PRKN: variants seen among roughly 807,000 people sequenced by gnomAD.
PRKN encodes E3 ubiquitin-protein ligase parkin.
Under a neutral mutation model 59.5 loss-of-function variants are expected in PRKN, and 56 were observed. The ratio of observed to expected loss-of-function variants is 0.94; its 90% CI spans 0.76 to 1.18. PRKN has a LOEUF of 1.18. PRKN is among the 50% of genes most tolerant of loss of function. The probability of loss-of-function intolerance (pLI) is 0.00; values close to 1 mark genes in which losing one functional copy is unlikely to be tolerated. For synonymous variants in PRKN, 250 were observed against 222.1 expected (o/e 1.13, Z -1.12); for missense variants, 657 against 596.4 (o/e 1.10, Z -1.06).
At chr6:161,885,525 C>T (rs1490464562) in intron 6 of PRKN, among the ~76,000 whole-genome samples, 5 of 152,010 alleles carry the variant, frequency 3.3e-5, no homozygotes, top group Admixed American at 6.5e-5. Flanking sequence ...ATTAGCCAGG[C>T]GTGGTGGCGG....
chr6:162,651,200 C>T (rs1254180246), intron 1 of PRKN, among the ~76,000 whole-genome samples: 1 of 152,126 alleles, frequency 6.6e-6, no homozygotes, highest in African/African-American at 2.4e-5. Context: ...AGGCTCATTA[C>T]AAACCTCCAT....
intron 7 of PRKN, among the ~76,000 whole-genome samples, chr6:161,619,297 A>C (rs1582899515): frequency 7.0e-6 from 1 of 143,118 alleles, no homozygotes; most frequent in Non-Finnish European, 1.5e-5. Flanking sequence ...AGCTAAGGCC[A>C]CCATAGGGAA....
chr6:162,037,544 C>CTTT (rs543590715), intron 5 of PRKN, among the ~76,000 whole-genome samples: 1 of 137,430 alleles, frequency 7.3e-6, no homozygotes, highest in African/African-American at 2.7e-5. Context: ...TTACCCTCTG[C>CTTT]TTTTTTTTTT....
At chr6:162,471,551 T>G (rs1317135049) in intron 1 of PRKN, among the ~76,000 whole-genome samples, 1 of 152,238 alleles carries the variant, frequency 6.6e-6, no homozygotes, top group Admixed American at 6.5e-5. Flanking sequence ...AATTTACAAT[T>G]AATTGCTTAT....
At chr6:162,127,306 C>A (rs1781163802) in intron 4 of PRKN, among the ~76,000 whole-genome samples, 1 of 152,212 alleles carries the variant, frequency 6.6e-6, no homozygotes, top group African/African-American at 2.4e-5. Context: ...TCAAAAGGTG[C>A]TAGTCTACCA....
At chr6:161,435,788 T>G in intron 9 of PRKN, among the ~76,000 whole-genome samples, 1 of 147,080 alleles carries the variant, frequency 6.8e-6, no homozygotes, top group Non-Finnish European at 1.5e-5. Flanking sequence ...TTTTTTTCCC[T>G]AAATAAAACC....
intron 2 of PRKN, among the ~76,000 whole-genome samples, chr6:162,322,800 AG>A (rs1229985162): frequency 6.6e-6 from 1 of 152,026 alleles, no homozygotes; most frequent in Non-Finnish European, 1.5e-5. Flanking sequence ...GATTCACAAT[AG>A]CAAAGACTTG....
intron 6 of PRKN, among the ~76,000 whole-genome samples, chr6:161,966,568 A>G (rs73783693): frequency 0.056 from 8,583 of 152,264 alleles, 769 homozygotes; most frequent in African/African-American, 0.19. Flanking sequence ...TAAACAAGGC[A>G]GCTATTTTGC....
intron 7 of PRKN, among the ~76,000 whole-genome samples, chr6:161,783,398 G>A (rs926744694): frequency 2.0e-5 from 3 of 152,104 alleles, no homozygotes; most frequent in Admixed American, 2.0e-4. Flanking sequence ...GGAGCCAGAG[G>A]TCCTGAGAAA....
At chr6:162,642,239 A>AAAGCCACATTCATCCTTT (rs1257691745) in intron 1 of PRKN, among the ~76,000 whole-genome samples, 7 of 152,216 alleles carry the variant, frequency 4.6e-5, no homozygotes, top group Non-Finnish European at 8.8e-5. Flanking sequence ...ATACCTTCCT[A>AAAGCCACATTCATCCTTT]AAGCCACATT....
At chr6:162,693,000 G>A (rs1185368892) in intron 1 of PRKN, among the ~76,000 whole-genome samples, 3 of 152,078 alleles carry the variant, frequency 2.0e-5, no homozygotes, top group African/African-American at 7.2e-5. Context: ...TCAGCCTCCA[G>A]ATTTCAGCAG....
intron 2 of PRKN, among the ~76,000 whole-genome samples, chr6:162,431,590 T>C (rs1035152473): frequency 1.3e-5 from 2 of 151,932 alleles, no homozygotes; most frequent in Admixed American, 1.3e-4. Context: ...AACAAAACTA[T>C]TTATAGGTTA....
intron 1 of PRKN, among the ~76,000 whole-genome samples, chr6:162,585,704 A>G (rs1056636447): frequency 6.6e-6 from 1 of 151,954 alleles, no homozygotes; most frequent in Non-Finnish European, 1.5e-5. Flanking sequence ...TATTATTATT[A>G]TTAATTTATT....
intron 7 of PRKN, among the ~76,000 whole-genome samples, chr6:161,658,668 T>C (rs1211716440): frequency 6.6e-6 from 1 of 152,196 alleles, no homozygotes; most frequent in African/African-American, 2.4e-5. Context: ...CTTTGAGTAG[T>C]TCCTCCAACT....
chr6:162,011,018 T>TAATA (rs1383909621), intron 5 of PRKN, among the ~76,000 whole-genome samples: 1 of 11,986 alleles, frequency 8.3e-5, no homozygotes, highest in African/African-American at 1.3e-3. Context: ...ATAATATATA[T>TAATA]TATAATATAT....
intron 9 of PRKN, among the ~76,000 whole-genome samples, chr6:161,439,919 G>A (rs890009370): frequency 1.3e-5 from 2 of 151,196 alleles, no homozygotes; most frequent in Non-Finnish European, 2.9e-5. Context: ...CAGTATTTTG[G>A]GCCTAGGTTT....
chr6:161,742,251 T>C (rs192733934), intron 7 of PRKN, among the ~76,000 whole-genome samples: 54 of 152,282 alleles, frequency 3.5e-4, no homozygotes, highest in African/African-American at 1.3e-3. Context: ...ATTACAGGCA[T>C]GAGCCACTGC....
At chr6:161,902,576 T>TTTTTTTTTTTTTTTTTTTC (rs1777973713) in intron 6 of PRKN, among the ~76,000 whole-genome samples, 3 of 89,702 alleles carry the variant, frequency 3.3e-5, no homozygotes, top group African/African-American at 4.0e-5. Flanking sequence ...TTTTTTTTTT[T>TTTTTTTTTTTTTTTTTTTC]TGCGACAGAG....
intron 3 of PRKN, among the ~76,000 whole-genome samples, chr6:162,234,506 C>G (rs774751055): frequency 6.6e-6 from 1 of 152,046 alleles, no homozygotes; most frequent in Non-Finnish European, 1.5e-5. Context: ...CCCATGGATA[C>G]GACGGTCTGC....
Sources: allele counts gnomAD v4.1 joint callset (sites outside exome capture counted in the v4.1 genomes callset), GRCh38; gene constraint gnomAD v4.1.1; transcripts MANE v1.5; gene names NCBI Gene and HGNC (gene_info 2026-07-23, HGNC 2026-07-21).